The following BACH2 variants were observed in gnomAD, a reference collection of about 807,000 sequenced individuals.
The protein encoded by BACH2 is transcription regulator protein BACH2.
A neutral mutation model predicts 61.8 loss-of-function variants in BACH2; 5 were observed. That is an observed-to-expected ratio of 0.08 (90% CI 0.04 to 0.17). BACH2 has a LOEUF of 0.17. Among genes scored for constraint, BACH2 ranks in the 10% least tolerant of loss-of-function variants. The pLI is 1.00. For synonymous variants in BACH2, 446 were observed against 440.1 expected, an observed-to-expected ratio of 1.01 and a Z score of -0.17; for missense variants, 824 against 1,091.1, an observed-to-expected ratio of 0.76 and a Z score of 3.45.
At chr6:89,957,684 G>A (rs995143351) in intron 6 of BACH2, among the ~76,000 whole-genome samples, 21 of 152,150 alleles carry the variant, frequency 1.4e-4, no homozygotes, top group African/African-American at 5.1e-4. Context: ...GGGACTATCG[G>A]CATATACCAC....
chr6:90,171,174 G>T (rs760341039), intron 4 of BACH2, among the ~76,000 whole-genome samples: 11 of 152,266 alleles, frequency 7.2e-5, no homozygotes, highest in Admixed American at 1.3e-4. Flanking sequence ...ACTTTGGGAG[G>T]CCGAGACAGG....
chr6:90,003,162 T>G (rs1777223082), intron 6 of BACH2, among the ~76,000 whole-genome samples: 1 of 152,274 alleles, frequency 6.6e-6, no homozygotes, highest in Admixed American at 6.5e-5. Context: ...AGTGGCCAGC[T>G]CGTTCCAAAA....
intron 1 of BACH2, among the ~76,000 whole-genome samples, chr6:90,273,647 G>A (rs1313536136): frequency 1.3e-5 from 2 of 152,008 alleles, no homozygotes; most frequent in South Asian, 2.1e-4. Context: ...GTCAAGGCTC[G>A]GGTCTGATTT....
chr6:89,992,938 A>G (rs184994354), intron 6 of BACH2, among the ~76,000 whole-genome samples: 1 of 152,350 alleles, frequency 6.6e-6, no homozygotes, highest in Admixed American at 6.5e-5. Flanking sequence ...AAGGTAATTA[A>G]GGTTAAATGA....
At chr6:90,029,346 C>T (rs1778822560) in intron 5 of BACH2, among the ~76,000 whole-genome samples, 1 of 152,084 alleles carries the variant, frequency 6.6e-6, no homozygotes, top group South Asian at 2.1e-4. Context: ...AGACTGTCTC[C>T]CGAGAGACTG....
At chr6:90,021,448 G>A (rs1778372273) in intron 5 of BACH2, among the ~76,000 whole-genome samples, 1 of 152,136 alleles carries the variant, frequency 6.6e-6, no homozygotes, top group Non-Finnish European at 1.5e-5. Context: ...TGCAGGTAAT[G>A]AAAAAGACCA....
intron 5 of BACH2, among the ~76,000 whole-genome samples, chr6:90,041,194 A>C (rs2127791193): frequency 6.6e-6 from 1 of 152,262 alleles, no homozygotes; most frequent in South Asian, 2.1e-4. Context: ...TCCTTTGGGC[A>C]TACACCCAGT....
At chr6:90,125,427 GT>G (rs1285648505) in intron 4 of BACH2, among the ~76,000 whole-genome samples, 1 of 152,138 alleles carries the variant, frequency 6.6e-6, no homozygotes, top group African/African-American at 2.4e-5. Flanking sequence ...CCCTTTGAAG[GT>G]TCTCATGATA....
At chr6:90,163,390 C>T (rs1041751747) in intron 4 of BACH2, among the ~76,000 whole-genome samples, 1 of 151,998 alleles carries the variant, frequency 6.6e-6, no homozygotes, top group Non-Finnish European at 1.5e-5. Flanking sequence ...TTTATCTACA[C>T]CAAAATTTTA....
At chr6:90,146,029 A>T (rs1784606152) in intron 4 of BACH2, among the ~76,000 whole-genome samples, 1 of 152,264 alleles carries the variant, frequency 6.6e-6, no homozygotes, top group South Asian at 2.1e-4. Context: ...TTGCTTTAAA[A>T]TTTTTACATT....
chr6:90,143,177 A>G (rs1439620086), intron 4 of BACH2, among the ~76,000 whole-genome samples: 1 of 152,196 alleles, frequency 6.6e-6, no homozygotes, highest in African/African-American at 2.4e-5. Context: ...ATGATCAGAA[A>G]GGTCAGGCAC....
intron 3 of BACH2, among the ~76,000 whole-genome samples, chr6:90,225,034 G>A (rs1217771852): frequency 2.6e-5 from 4 of 152,018 alleles, no homozygotes; most frequent in South Asian, 2.1e-4. Context: ...CACCTGCCAC[G>A]AGGCACTGTT....
In BACH2 at chr6:90,151,429, CAT is replaced by C. The variant is rs1340872841; in HGVS notation, c.-162+55138_-162+55139del. On this transcript the variant is annotated intron_variant, in intron 4 of 8. Transcript: ENST00000257749. ...TCTCCTGAGTAGCTTGTACTGCAGGCATATACCACTATGGCTGGCTAATTAAA... is the reference window on the plus strand; with the variant it reads ...TCTCCTGAGTAGCTTGTACTGCAGGCATACCACTATGGCTGGCTAATTAAA... 3.3e-5 allele frequency among the ~76,000 whole-genome samples: 5 copies of C among 152,086 alleles called. No homozygotes were observed. The East Asian group carries it at 9.6e-4, about 29-fold the overall frequency.
chr6:89,978,633 TAAAAAAAAAAAAA>T (rs753724278), intron 6 of BACH2, among the ~76,000 whole-genome samples: 5 of 86,036 alleles, frequency 5.8e-5, no homozygotes, highest in Admixed American at 4.3e-4. Context: ...GTGTTGGCTT[TAAAAAAAAAAAAA>T]AAAAAAAAAA....
chr6:90,153,929 T>C lies in BACH2; in HGVS notation c.-162+52640A>G, dbSNP rs1784906617. Reference sequence around the variant, plus strand: ...GTAACTGCTTTTGTGTTAGGATTCATATTATGAGAAAATTCACATATATTA... The same window carrying C: ...GTAACTGCTTTTGTGTTAGGATTCACATTATGAGAAAATTCACATATATTA... On this transcript the variant is annotated intron_variant, in intron 4 of 8. Transcript: ENST00000257749. Among the ~76,000 whole-genome samples the C allele has an allele frequency of 3.3e-5, 5 of 152,372 alleles. No homozygotes were observed. The South Asian group carries it at 1.0e-3, about 32-fold the overall frequency.
At chr6:90,186,124 C>T (rs1183762691) in intron 4 of BACH2, among the ~76,000 whole-genome samples, 1 of 152,102 alleles carries the variant, frequency 6.6e-6, no homozygotes, top group Non-Finnish European at 1.5e-5. Flanking sequence ...AGCCCATTTC[C>T]ATGTTATATA....
intron 3 of BACH2, among the ~76,000 whole-genome samples, chr6:90,207,557 C>T (rs954310892): frequency 6.6e-6 from 1 of 152,094 alleles, no homozygotes; most frequent in Non-Finnish European, 1.5e-5. Context: ...GTTCCTGATA[C>T]TCAATTTGTG....
At chr6:90,183,919 G>A (rs951789704) in intron 4 of BACH2, among the ~76,000 whole-genome samples, 1 of 152,166 alleles carries the variant, frequency 6.6e-6, no homozygotes, top group African/African-American at 2.4e-5. Flanking sequence ...AATTCAGTGT[G>A]GTCTGAAAGG....
In BACH2 at chr6:89,932,670, A is replaced by G. The variant is rs763412318; in HGVS notation, c.2264T>C (p.Ile755Thr). ...NPAPLGAEQN[I>T]AASQCAVGEN... ...CCCCACTGCGCATTGGGAGGCCGCA[A>G]TGTTCTGCTCAGCACCCAAGGGCGC... Residue 755 changes from isoleucine (I) to threonine (T), a missense_variant, in exon 9 of 9, where the codon ATT becomes ACT. By Grantham distance (89) the Ile-to-Thr change is moderately conservative. This residue lies in a region of BACH2 where 135 missense variants were observed against 142.7 expected (regional missense o/e 0.95). Coordinates refer to ENST00000257749, the MANE Select transcript of BACH2 (RefSeq NM_021813.4). 2.5e-6 allele frequency: 4 copies of G among 1,614,084 alleles called. No individual in the cohort carries two copies. In the South Asian group the frequency reaches 4.4e-5, roughly 18 times the overall value.
Sources: allele counts gnomAD v4.1 joint callset (sites outside exome capture counted in the v4.1 genomes callset), GRCh38; gene constraint gnomAD v4.1.1; regional missense constraint gnomAD v4.1.1; transcripts MANE v1.5; gene names NCBI Gene and HGNC (gene_info 2026-07-23, HGNC 2026-07-21).